The following SCHIP1 variants were observed in gnomAD, a reference collection of about 807,000 sequenced individuals.
The protein encoded by SCHIP1 is schwannomin interacting protein 1, also known as schwannomin-interacting protein 1.
In SCHIP1, 8 loss-of-function variants were observed where a neutral mutation model predicts 29.7. The observed-to-expected ratio is 0.27, with a 90% CI of 0.16 to 0.49. The LOEUF (loss-of-function observed/expected upper bound fraction) is 0.49. Among genes scored for constraint, SCHIP1 ranks in the 20% least tolerant of loss-of-function variants. SCHIP1 has a pLI of 0.99. For missense variants in SCHIP1, 193 were observed against 294.6 expected (o/e 0.66, Z 2.52); for synonymous variants, 76 against 94.9 (o/e 0.80, Z 1.16).
the SCHIP1 span, among the ~76,000 whole-genome samples, chr3:159,540,759 A>C: frequency 6.6e-6 from 1 of 152,120 alleles, no homozygotes; most frequent in African/African-American, 2.4e-5. Context: ...AGTTTGGGTA[A>C]ACATTTACGT....
the SCHIP1 span, among the ~76,000 whole-genome samples, chr3:159,630,782 C>T: frequency 2.0e-5 from 3 of 152,038 alleles, no homozygotes; most frequent in African/African-American, 7.2e-5. Flanking sequence ...ACTGCTTGGG[C>T]GATGGGTGCA....
At chr3:159,625,349 A>G in the SCHIP1 span, among the ~76,000 whole-genome samples, 2 of 152,286 alleles carry the variant, frequency 1.3e-5, no homozygotes, top group Admixed American at 6.5e-5. Flanking sequence ...ATAAGTGTTC[A>G]GCTACTTAAG....
the SCHIP1 span, among the ~76,000 whole-genome samples, chr3:159,289,044 A>G: frequency 3.7e-4 from 57 of 152,258 alleles, no homozygotes; most frequent in East Asian, 8.7e-3. Context: ...CATCTAATCA[A>G]CCACCAAGTC....
At chr3:159,625,316 G>A in the SCHIP1 span, among the ~76,000 whole-genome samples, 1 of 152,094 alleles carries the variant, frequency 6.6e-6, no homozygotes, top group African/African-American at 2.4e-5. Flanking sequence ...ATGGCATAAA[G>A]CTTGTGAAAC....
chr3:159,779,386 G>A, the SCHIP1 span, among the ~76,000 whole-genome samples: 77 of 151,606 alleles, frequency 5.1e-4, no homozygotes, highest in African/African-American at 1.6e-3. Context: ...GGATGTCCCC[G>A]GCCAGGTGCA....
the SCHIP1 span, among the ~76,000 whole-genome samples, chr3:159,748,011 A>C: frequency 6.6e-6 from 1 of 152,202 alleles, no homozygotes; most frequent in Non-Finnish European, 1.5e-5. Flanking sequence ...AATAAGAAAC[A>C]TCTTCAGCCA....
At chr3:159,681,741 T>A in the SCHIP1 span, among the ~76,000 whole-genome samples, 13 of 152,260 alleles carry the variant, frequency 8.5e-5, no homozygotes, top group African/African-American at 3.1e-4. Context: ...CAGTTGGACT[T>A]TAACCAAAAT....
the SCHIP1 span, among the ~76,000 whole-genome samples, chr3:159,626,115 T>A: frequency 8.3e-6 from 1 of 120,680 alleles, no homozygotes; most frequent in African/African-American, 5.7e-5. Context: ...GATAGATAGA[T>A]AGATAGATAG....
chr3:159,886,286 A>G (rs1716953085), exon 3 of SCHIP1: 1 of 1,614,032 alleles, frequency 6.2e-7, no homozygotes, highest in African/African-American at 1.3e-5. Context: ...TGATGACAGT[A>G]AGACTGAAAC....
chr3:159,739,946 A>C, the SCHIP1 span, among the ~76,000 whole-genome samples: 1 of 152,204 alleles, frequency 6.6e-6, no homozygotes, highest in Admixed American at 6.5e-5. Flanking sequence ...TTTCAGTACA[A>C]ATGTTACTTA....
the SCHIP1 span, among the ~76,000 whole-genome samples, chr3:159,495,859 C>T: frequency 6.6e-6 from 1 of 152,184 alleles, no homozygotes; most frequent in African/African-American, 2.4e-5. Context: ...AACTATACTA[C>T]AAGGCTACAG....
chr3:159,570,856 T>C, the SCHIP1 span, among the ~76,000 whole-genome samples: 3 of 152,194 alleles, frequency 2.0e-5, no homozygotes, highest in African/African-American at 4.8e-5. Context: ...GAAGAGGTCC[T>C]TTACATCCCT....
the SCHIP1 span, among the ~76,000 whole-genome samples, chr3:159,417,638 C>A: frequency 6.6e-6 from 1 of 152,174 alleles, no homozygotes; most frequent in South Asian, 2.1e-4. Flanking sequence ...CAGGGCATGG[C>A]ACTCTGCAAT....
At chr3:159,480,618 C>T in the SCHIP1 span, among the ~76,000 whole-genome samples, 4 of 152,280 alleles carry the variant, frequency 2.6e-5, no homozygotes, top group Non-Finnish European at 5.9e-5. Flanking sequence ...CAAAAGAACA[C>T]TAACATCTCT....
the SCHIP1 span, among the ~76,000 whole-genome samples, chr3:159,504,908 A>G: frequency 6.6e-6 from 1 of 152,192 alleles, no homozygotes. Context: ...GGAGGATGCC[A>G]GGGATGCCCA....
the SCHIP1 span, among the ~76,000 whole-genome samples, chr3:159,587,418 C>T: frequency 6.6e-6 from 1 of 151,438 alleles, no homozygotes; most frequent in Non-Finnish European, 1.5e-5. Flanking sequence ...CAGAGGCAAT[C>T]ACTGCTAACA....
the SCHIP1 span, among the ~76,000 whole-genome samples, chr3:159,810,650 T>C: frequency 1.7e-3 from 259 of 152,368 alleles, 4 homozygotes; most frequent in East Asian, 0.041. Flanking sequence ...AGTAGTTCCT[T>C]CTTGTTGCTG....
chr3:159,311,992 C>T, the SCHIP1 span, among the ~76,000 whole-genome samples: 1 of 152,118 alleles, frequency 6.6e-6, no homozygotes, highest in Non-Finnish European at 1.5e-5. Flanking sequence ...CCAAAAATCT[C>T]AAATACAATA....
At chr3:159,751,046 T>C in the SCHIP1 span, among the ~76,000 whole-genome samples, 1 of 152,338 alleles carries the variant, frequency 6.6e-6, no homozygotes, top group African/African-American at 2.4e-5. Context: ...TTTAGTCGGC[T>C]TCCTGTTGAA....
Sources: allele counts gnomAD v4.1 joint callset (sites outside exome capture counted in the v4.1 genomes callset), GRCh38; gene constraint gnomAD v4.1.1; transcripts MANE v1.5; gene names NCBI Gene and HGNC (gene_info 2026-07-23, HGNC 2026-07-21).